Variants in ZNF541 observed in about 807,000 individuals in gnomAD.
ZNF541 encodes the protein zinc finger protein 541.
Under a neutral mutation model 123.5 loss-of-function variants are expected in ZNF541, and 23 were observed. The observed-to-expected ratio is 0.19, with a 90% confidence interval of 0.13 to 0.26. The LOEUF (loss-of-function observed/expected upper bound fraction) is 0.26, where lower values mean the gene tolerates loss of function less well. Ranked by LOEUF, ZNF541 falls within the 10% of genes least tolerant of loss-of-function variation. ZNF541 has a pLI of 1.00. For synonymous variants in ZNF541, 751 were observed against 754.5 expected (o/e 1.00, Z 0.08); for missense variants, 1,612 against 1,789.9 (o/e 0.90, Z 1.79).
At chr19:47,566,248 T>C (rs1971258848) in intron 2 of ZNF541, among the ~76,000 whole-genome samples, 1 of 151,916 alleles carries the variant, frequency 6.6e-6, no homozygotes, top group South Asian at 2.1e-4. Context: ...AACAAAGGAT[T>C]CTTCTATGAA....
chr19:47,545,680 GACGATGCTACTC>G lies in ZNF541; in HGVS notation c.837_848del (p.Ser280_Val283del), dbSNP rs1389863205. ...GGCCAGGAGAAGGGGTCTTCTGGTG[GACGATGCTACTC>G]ACGATGCGGCGCAGGAGGTCCCGGT... is the stretch of plus-strand genomic sequence containing the variant. On this transcript the variant is annotated inframe_deletion, in exon 5 of 17. Transcript: ENST00000391901. This position sits in a 1 kb window ranked among gnomAD's most constrained non-coding sequence, Gnocchi z 7.5. 2.2e-5 allele frequency: 34 copies of G among 1,548,818 alleles called. No homozygotes were observed. Among genetic ancestry groups the G allele is most frequent in the Non-Finnish European group, 3.0e-5 (34 of 1,146,782 alleles).
At chr19:47,554,586 TG>T (rs1298232487) in intron 3 of ZNF541, among the ~76,000 whole-genome samples, 1 of 152,142 alleles carries the variant, frequency 6.6e-6, no homozygotes, top group East Asian at 1.9e-4. Flanking sequence ...ATAAAGACAC[TG>T]GGGTCTAAGA....
rs550222852 is a variant in ZNF541, at chr19:47,538,158, G to T, written c.3078C>A (p.Leu1026=). 73 of 1,550,908 alleles carry T rather than the reference G, an allele frequency of 4.7e-5. No homozygotes were observed. In the African/African-American group the frequency reaches 8.6e-4, roughly 18 times the overall value. Residue 1026 remains leucine, a synonymous_variant, in exon 9 of 17, where the codon CTC becomes CTA. Transcript: ENST00000391901. ...STSTQASPDQ[L]ISSMLDQVDG... ...CTCACTCACCGAGCATGGAGCTGATGAGCTGGTCAGGGCTGGCCTGAGTGG... is the reference window on the plus strand; with the variant it reads ...CTCACTCACCGAGCATGGAGCTGATTAGCTGGTCAGGGCTGGCCTGAGTGG...
chr19:47,555,516 C>A, intron 3 of ZNF541, 34 bp downstream of exon 3: 2 of 1,498,242 alleles, frequency 1.3e-6, no homozygotes, highest in South Asian at 1.3e-5. Flanking sequence ...GTCGAACATC[C>A]TGCAGGGCCC....
chr19:47,522,431 T>G (rs1376966987), intron 14 of ZNF541, among the ~76,000 whole-genome samples: 1 of 152,190 alleles, frequency 6.6e-6, no homozygotes, highest in Non-Finnish European at 1.5e-5. Flanking sequence ...GAGTGCACAG[T>G]GTGAACCTAG....
At position 47,535,495 on chromosome 19, in the gene ZNF541, T is replaced by C. The variant is rs146157852; in HGVS notation, c.3095-2523A>G. On this transcript the variant is annotated intron_variant, in intron 9 of 16. Transcript: ENST00000391901. Reference sequence around the variant, plus strand: ...AGAAATGAAAATGTTCATATACTGCTACTGGAAATTTAAAGTGGCCCAGCC... The same window carrying C: ...AGAAATGAAAATGTTCATATACTGCCACTGGAAATTTAAAGTGGCCCAGCC... 4.7e-3 allele frequency among the ~76,000 whole-genome samples: 719 copies of C among 152,342 alleles called. 7 individuals are homozygous for C. The highest frequency in any genetic ancestry group is 0.017 in the African/African-American group (694 of 41,580).
upstream of ZNF541, among the ~76,000 whole-genome samples, chr19:47,573,269 T>C (rs1213348364): frequency 6.6e-6 from 1 of 151,748 alleles, no homozygotes; most frequent in Non-Finnish European, 1.5e-5. Flanking sequence ...CAGAGCGGCC[T>C]CGCGCGTGCC....
At chr19:47,541,776 C>A (rs965629586) in intron 5 of ZNF541, among the ~76,000 whole-genome samples, 1 of 152,154 alleles carries the variant, frequency 6.6e-6, no homozygotes, top group South Asian at 2.1e-4. Flanking sequence ...TTAGTGAGGA[C>A]ATGGAGAATG....
At chr19:47,560,699 A>C (rs1971026188) in intron 2 of ZNF541, among the ~76,000 whole-genome samples, 1 of 152,156 alleles carries the variant, frequency 6.6e-6, no homozygotes, top group African/African-American at 2.4e-5. Context: ...GCAATCCAGC[A>C]ACTACACTCT....
chr19:47,521,330 C>T lies in ZNF541; in HGVS notation c.3935G>A (p.Arg1312His), dbSNP rs1365422736. 2 of 1,551,714 alleles carry T rather than the reference C, an allele frequency of 1.3e-6. No homozygotes were observed. The highest frequency in any genetic ancestry group is 2.4e-5 in the East Asian group (1 of 40,920). Residue 1312 changes from arginine (R) to histidine (H), a missense_variant, in exon 17 of 17, where the codon CGC (arginine) becomes CAC (histidine). Transcript: ENST00000391901. This position sits in a 1 kb window ranked among gnomAD's most constrained non-coding sequence, Gnocchi z 4.2. ...KSRNAHMKRH[R>H]LQDHVEPIIR... ...GATGGGCTCCACGTGGTCCTGAAGGCGGTGCCGCTTCATATGGGCATTTCG... is the reference window on the plus strand; with the variant it reads ...GATGGGCTCCACGTGGTCCTGAAGGTGGTGCCGCTTCATATGGGCATTTCG...
chr19:47,549,624 C>T (rs986993340), intron 3 of ZNF541, 139 bp from the exon 4 acceptor site: 1 of 1,359,536 alleles, frequency 7.4e-7, no homozygotes, highest in Admixed American at 2.4e-5. Context: ...ACAAAGTAAA[C>T]AAGGTTCAGG....
chr19:47,540,861 G>A, intron 6 of ZNF541, 32 bp downstream of exon 6: 3 of 1,547,544 alleles, frequency 1.9e-6, no homozygotes, highest in East Asian at 2.4e-5. Context: ...TCCTGCCAGG[G>A]TGCATGCAGG....
chr19:47,526,962 G>A (rs1452795371), intron 14 of ZNF541, among the ~76,000 whole-genome samples: 4 of 152,138 alleles, frequency 2.6e-5, no homozygotes, highest in Non-Finnish European at 1.5e-5. Context: ...TCTTTAAACC[G>A]TGGTACATCC....
intron 5 of ZNF541, among the ~76,000 whole-genome samples, chr19:47,543,035 G>C (rs1970150002): frequency 6.6e-6 from 1 of 152,138 alleles, no homozygotes; most frequent in African/African-American, 2.4e-5. Context: ...AACACTTTAG[G>C]AGGCCGAGAT....
At chr19:47,529,485 TC>T in intron 13 of ZNF541, 91 bp downstream of exon 13, 1 of 1,336,958 alleles carries the variant, frequency 7.5e-7, no homozygotes, top group Non-Finnish European at 1.0e-6. Flanking sequence ...CGAGGAGAAC[TC>T]CAGGAGGCAG....
chr19:47,572,324 T>C (rs558946145), intron 1 of ZNF541, among the ~76,000 whole-genome samples: 2 of 151,806 alleles, frequency 1.3e-5, no homozygotes, highest in South Asian at 2.1e-4. Flanking sequence ...TGCTGGAAAG[T>C]TGGGGGTAGG....
intron 2 of ZNF541, among the ~76,000 whole-genome samples, chr19:47,570,956 A>G (rs1449730497): frequency 6.6e-6 from 1 of 151,540 alleles, no homozygotes; most frequent in Non-Finnish European, 1.5e-5. Flanking sequence ...TCAAAAAGAA[A>G]AAAAAAAAAA....
At chr19:47,527,588 G>C (rs535590412) in intron 14 of ZNF541, among the ~76,000 whole-genome samples, 19 of 151,940 alleles carry the variant, frequency 1.3e-4, no homozygotes, top group African/African-American at 4.6e-4. Flanking sequence ...TAGAGACAAG[G>C]TCTCACTATA....
At chr19:47,561,626 C>T (rs946750213) in intron 2 of ZNF541, among the ~76,000 whole-genome samples, 14 of 152,070 alleles carry the variant, frequency 9.2e-5, no homozygotes, top group Non-Finnish European at 1.5e-4. Context: ...AGAGTGAAGG[C>T]GAAGGTAGGG....
Sources: allele counts gnomAD v4.1 joint callset (sites outside exome capture counted in the v4.1 genomes callset), GRCh38; gene constraint gnomAD v4.1.1; non-coding constraint Gnocchi (gnomAD v3.1); transcripts MANE v1.5; gene names NCBI Gene and HGNC (gene_info 2026-07-23, HGNC 2026-07-21).